AUTS2: variants seen among roughly 807,000 people sequenced by gnomAD.
AUTS2 encodes the protein activator of transcription and developmental regulator AUTS2.
A neutral mutation model predicts 112.4 loss-of-function variants in AUTS2; 17 were observed. The ratio of observed to expected loss-of-function variants is 0.15; its 90% CI spans 0.10 to 0.23. The LOEUF (loss-of-function observed/expected upper bound fraction) is 0.23. Ranked by LOEUF, AUTS2 falls within the 10% of genes least tolerant of loss-of-function variation. The pLI is 1.00. For missense variants in AUTS2, 1,510 were observed against 1,701.6 expected, an observed-to-expected ratio of 0.89 and a Z score of 1.98; for synonymous variants, 751 against 702.7, an observed-to-expected ratio of 1.07 and a Z score of -1.09.
In AUTS2 at chr7:70,778,683, T is replaced by C. The variant is rs1185986254; in HGVS notation, c.2004+1509T>C. ...CTTTGGTTGTCAGATACCTGCTCTT[T>C]CTTATAACATGCCATCAGTGAGTTT... On this transcript the variant is annotated intron_variant, in intron 14 of 18. Transcript: ENST00000342771. Among the ~76,000 whole-genome samples the C allele has an allele frequency of 2.6e-5, 4 of 152,310 alleles. No individual in the cohort carries two copies. In the East Asian group the frequency reaches 7.7e-4, roughly 29 times the overall value.
chr7:69,785,642 TGG>T (rs1347654995), intron 1 of AUTS2, among the ~76,000 whole-genome samples: 2 of 152,176 alleles, frequency 1.3e-5, no homozygotes, highest in Non-Finnish European at 2.9e-5. Flanking sequence ...AAGGGTGGAA[TGG>T]TCTGGTATGG....
intron 1 of AUTS2, among the ~76,000 whole-genome samples, chr7:69,860,649 A>G (rs1792936313): frequency 6.6e-6 from 1 of 151,726 alleles, no homozygotes; most frequent in Non-Finnish European, 1.5e-5. Context: ...TATAGCAAAC[A>G]CAAGGGCACA....
At chr7:70,249,288 T>C (rs1191197939) in intron 4 of AUTS2, among the ~76,000 whole-genome samples, 1 of 152,166 alleles carries the variant, frequency 6.6e-6, no homozygotes, top group African/African-American at 2.4e-5. Flanking sequence ...TAATTTTAAA[T>C]TACGTTTTAT....
At chr7:69,903,969 A>G (rs1795062579) in intron 2 of AUTS2, among the ~76,000 whole-genome samples, 3 of 152,224 alleles carry the variant, frequency 2.0e-5, no homozygotes, top group Admixed American at 2.0e-4. Context: ...TTGACATTGT[A>G]AACTGTAGAC....
chr7:70,471,620 G>A (rs1797386485), intron 5 of AUTS2, among the ~76,000 whole-genome samples: 1 of 152,066 alleles, frequency 6.6e-6, no homozygotes, highest in African/African-American at 2.4e-5. Flanking sequence ...TGCCTTCCTG[G>A]AGCTAATAGT....
chr7:70,786,972 C>T, intron 17 of AUTS2: 2 of 604,418 alleles, frequency 3.3e-6, no homozygotes, highest in East Asian at 2.9e-5. Flanking sequence ...TTAACTTCCC[C>T]TGTCCCCACC....
At chr7:70,739,587 C>T (rs1438332176) in intron 6 of AUTS2, among the ~76,000 whole-genome samples, 2 of 151,872 alleles carry the variant, frequency 1.3e-5, no homozygotes, top group African/African-American at 4.8e-5. Context: ...AAAATTGTGA[C>T]CTGCCCAAAG....
intron 5 of AUTS2, among the ~76,000 whole-genome samples, chr7:70,502,280 C>G (rs1338334919): frequency 4.6e-5 from 7 of 152,178 alleles, no homozygotes; most frequent in African/African-American, 1.7e-4. Context: ...TATCTTGGCT[C>G]CGTATTAATG....
At chr7:70,053,097 A>G (rs2129559525) in intron 2 of AUTS2, among the ~76,000 whole-genome samples, 1 of 152,308 alleles carries the variant, frequency 6.6e-6, no homozygotes, top group East Asian at 1.9e-4. Context: ...CAATTAGGGA[A>G]ACCAAATCAA....
In AUTS2 at chr7:70,759,562, TC is replaced by T; in HGVS notation, c.743-3307del. 3.3e-5 allele frequency among the ~76,000 whole-genome samples: 5 copies of T among 152,302 alleles called. No individual in the cohort carries two copies. In the South Asian group the frequency reaches 1.0e-3, roughly 32 times the overall value. On this transcript the variant is annotated intron_variant, in intron 6 of 18. Coordinates refer to ENST00000342771, the MANE Select transcript of AUTS2 (RefSeq NM_015570.4). Reference sequence around the variant, plus strand: ...GAGAGGTTGGGGTCTTCCCTTCATCTCTGGTAGCTTGTTGGAGGTGGTGCTG... The same window carrying T: ...GAGAGGTTGGGGTCTTCCCTTCATCTTGGTAGCTTGTTGGAGGTGGTGCTG...
chr7:70,086,977 T>G (rs1021666415), intron 2 of AUTS2, among the ~76,000 whole-genome samples: 4 of 151,932 alleles, frequency 2.6e-5, no homozygotes, highest in Non-Finnish European at 5.9e-5. Flanking sequence ...CTTATATTAT[T>G]GCACTGGCTG....
intron 1 of AUTS2, among the ~76,000 whole-genome samples, chr7:69,689,839 G>A (rs1304752203): frequency 6.7e-6 from 1 of 149,686 alleles, no homozygotes; most frequent in Non-Finnish European, 1.5e-5. Flanking sequence ...CACCATGCCC[G>A]GCTTAATTTT....
chr7:70,729,529 A>G (rs2129552456), intron 6 of AUTS2, among the ~76,000 whole-genome samples: 1 of 152,304 alleles, frequency 6.6e-6, no homozygotes, highest in African/African-American at 2.4e-5. Context: ...CTTGCCAGTA[A>G]GTGGTGAGAT....
intron 2 of AUTS2, among the ~76,000 whole-genome samples, chr7:69,983,222 T>A (rs976947525): frequency 6.6e-6 from 1 of 152,214 alleles, no homozygotes; most frequent in Non-Finnish European, 1.5e-5. Context: ...TATATACTTT[T>A]ATATTTTCCT....
At chr7:69,643,575 T>A (rs1482503877) in intron 1 of AUTS2, among the ~76,000 whole-genome samples, 2 of 151,990 alleles carry the variant, frequency 1.3e-5, no homozygotes, top group Non-Finnish European at 2.9e-5. Context: ...TTTTATGGAG[T>A]CCCCAGATAC....
At chr7:69,886,200 CA>C (rs1459646798) in intron 1 of AUTS2, among the ~76,000 whole-genome samples, 1 of 152,190 alleles carries the variant, frequency 6.6e-6, no homozygotes, top group Non-Finnish European at 1.5e-5. Flanking sequence ...AAGGATGTAG[CA>C]ATTGTTCGTG....
chr7:70,328,513 T>C (rs1244230954), intron 4 of AUTS2, among the ~76,000 whole-genome samples: 2 of 152,198 alleles, frequency 1.3e-5, no homozygotes, highest in Non-Finnish European at 2.9e-5. Flanking sequence ...TAAGCCGCCA[T>C]GCCCAGCAGA....
intron 2 of AUTS2, among the ~76,000 whole-genome samples, chr7:69,935,301 G>C (rs772286263): frequency 6.6e-6 from 1 of 152,176 alleles, no homozygotes; most frequent in African/African-American, 2.4e-5. Flanking sequence ...GGTGAAAAAG[G>C]AGAAGTGGTT....
At chr7:70,071,474 G>A (rs760559233) in intron 2 of AUTS2, among the ~76,000 whole-genome samples, 3 of 152,178 alleles carry the variant, frequency 2.0e-5, no homozygotes, top group Non-Finnish European at 4.4e-5. Flanking sequence ...ACAATGTGAG[G>A]TTCCCCCTCT....
Sources: allele counts gnomAD v4.1 joint callset (sites outside exome capture counted in the v4.1 genomes callset), GRCh38; gene constraint gnomAD v4.1.1; transcripts MANE v1.5; gene names NCBI Gene and HGNC (gene_info 2026-07-23, HGNC 2026-07-21).